Variants in ACSBG2 observed in about 807,000 individuals in gnomAD.
ACSBG2 encodes long-chain-fatty-acid--CoA ligase ACSBG2.
A neutral mutation model predicts 74.7 loss-of-function variants in ACSBG2; 62 were observed. The ratio of observed to expected loss-of-function variants is 0.83; its 90% CI spans 0.68 to 1.03. The LOEUF is 1.03. Ranked by LOEUF, ACSBG2 falls within the 50% of genes least tolerant of loss-of-function variation. The pLI is 0.00. For missense variants in ACSBG2, 730 were observed against 817.6 expected (o/e 0.89, Z 1.31); for synonymous variants, 309 against 294.1 (o/e 1.05, Z -0.52).
At position 6,138,906 on chromosome 19, in the gene ACSBG2, C is replaced by A. The variant is rs529966151; in HGVS notation, c.-31-2607C>A. 3.3e-5 allele frequency among the ~76,000 whole-genome samples: 5 copies of A among 152,090 alleles called. No individual in the cohort carries two copies. The East Asian group carries it at 9.7e-4, about 29-fold the overall frequency. On this transcript the variant is annotated intron_variant, in intron 1 of 14. Transcript: ENST00000588485. ...GCCAGATCCAGCTGCTCCAGAGGGG[C>A]CTTGGGCTTCCTCCTCATTTCTTCT... is the stretch of plus-strand genomic sequence containing the variant.
chr19:6,160,868 G>C (rs2089584615), intron 5 of ACSBG2: 2 of 174,856 alleles, frequency 1.1e-5, no homozygotes, highest in Non-Finnish European at 2.4e-5. Context: ...GGGAGGCCGA[G>C]GCGGGGGGAT....
At chr19:6,160,171 A>G (rs920416454) in intron 5 of ACSBG2, among the ~76,000 whole-genome samples, 1 of 151,994 alleles carries the variant, frequency 6.6e-6, no homozygotes, top group Non-Finnish European at 1.5e-5. Flanking sequence ...TGGGCGGATC[A>G]CGAGGTCAGG....
At chr19:6,185,157 G>A (rs76187731) in intron 10 of ACSBG2, among the ~76,000 whole-genome samples, 12,729 of 152,004 alleles carry the variant, frequency 0.084, 935 homozygotes, top group African/African-American at 0.2. Context: ...GAACTCCTGG[G>A]CTCGAGCAAT....
intron 2 of ACSBG2, among the ~76,000 whole-genome samples, chr19:6,146,448 C>A (rs891141612): frequency 2.1e-5 from 3 of 141,328 alleles, no homozygotes; most frequent in African/African-American, 8.1e-5. Context: ...CCAGCCTGGG[C>A]AAAAGAGTGA....
chr19:6,167,766 A>G (rs1420964452), intron 7 of ACSBG2, among the ~76,000 whole-genome samples: 2 of 152,248 alleles, frequency 1.3e-5, no homozygotes, highest in African/African-American at 2.4e-5. Context: ...ATATTTTGCT[A>G]TAACAACAAG....
At chr19:6,167,967 TCC>T (rs2089856111) in intron 7 of ACSBG2, among the ~76,000 whole-genome samples, 23 of 56,980 alleles carry the variant, frequency 4.0e-4, no homozygotes, top group African/African-American at 1.5e-3. Flanking sequence ...CCCACCCAAC[TCC>T]CACCCTCACC....
intron 14 of ACSBG2, 163 bp downstream of exon 14, chr19:6,190,855 T>A (rs1038345056): frequency 1.8e-5 from 7 of 385,570 alleles, no homozygotes; most frequent in Middle Eastern, 7.3e-4. Context: ...ACACACACTC[T>A]TAGTTGCAGT....
chr19:6,184,141 G>C (rs528607329), intron 10 of ACSBG2, among the ~76,000 whole-genome samples: 3 of 152,222 alleles, frequency 2.0e-5, no homozygotes, highest in African/African-American at 7.2e-5. Flanking sequence ...CCTATGAGCT[G>C]TCTGTCCATA....
chr19:6,176,184 C>CA, intron 7 of ACSBG2: 3 of 762,576 alleles, frequency 3.9e-6, no homozygotes, highest in Non-Finnish European at 5.6e-6. Context: ...GGGCTTTACC[C>CA]AAAAAAATCT....
At chr19:6,188,445 A>G (rs1391936357) in intron 13 of ACSBG2, among the ~76,000 whole-genome samples, 1 of 152,100 alleles carries the variant, frequency 6.6e-6, no homozygotes, top group Non-Finnish European at 1.5e-5. Context: ...GTTTGAGACC[A>G]ACCTGGGCAA....
At chr19:6,152,965 C>G (rs149905834) in intron 4 of ACSBG2, among the ~76,000 whole-genome samples, 2 of 152,128 alleles carry the variant, frequency 1.3e-5, no homozygotes, top group Non-Finnish European at 2.9e-5. Flanking sequence ...AATATCAGGC[C>G]GGGTGTGGTG....
chr19:6,153,347 A>G (rs1253499237), intron 4 of ACSBG2, among the ~76,000 whole-genome samples: 1 of 152,216 alleles, frequency 6.6e-6, no homozygotes, highest in Non-Finnish European at 1.5e-5. Context: ...TGCTCATGGT[A>G]GCCCTTTGAG....
chr19:6,161,553 G>C (rs1431732958), intron 6 of ACSBG2: 1 of 375,442 alleles, frequency 2.7e-6, no homozygotes, highest in Non-Finnish European at 5.0e-6. Context: ...ACCTTACAAG[G>C]GAAGTGGGTG....
At chr19:6,140,413 C>T (rs1599980829) in intron 1 of ACSBG2, among the ~76,000 whole-genome samples, 2 of 152,286 alleles carry the variant, frequency 1.3e-5, no homozygotes, top group African/African-American at 4.8e-5. Flanking sequence ...GGCGCAATGG[C>T]TTACGCCTGT....
At chr19:6,154,434 A>AGAGAGAGAGAG (rs1568226772) in intron 4 of ACSBG2, among the ~76,000 whole-genome samples, 2 of 38,208 alleles carry the variant, frequency 5.2e-5, no homozygotes, top group African/African-American at 7.8e-5. Flanking sequence ...GAGAGAGAGA[A>AGAGAGAGAGAG]AATTATTATT....
Position 6,147,693 on chromosome 19 carries a change from A to C in ACSBG2, c.297+18A>C. 1.2e-6 allele frequency: 2 copies of C among 1,602,382 alleles called. No homozygotes were observed. The highest frequency in any genetic ancestry group is 2.2e-5 in the East Asian group (1 of 44,830). On this transcript the variant is annotated intron_variant, in intron 3 of 14. Coordinates refer to ENST00000588485, the MANE Select transcript of ACSBG2 (RefSeq NM_030924.5). ...TGATCAAGGTAAGATTCATTCATTC[A>C]TTCTCCTTTGTTCAACCATTCATTC...
At chr19:6,158,717 T>C (rs986024593) in intron 5 of ACSBG2, among the ~76,000 whole-genome samples, 1 of 152,200 alleles carries the variant, frequency 6.6e-6, no homozygotes, top group Admixed American at 6.5e-5. Flanking sequence ...TTTTCATTGA[T>C]GGCATTCTCT....
At chr19:6,154,183 G>A (rs994339033) in intron 4 of ACSBG2, among the ~76,000 whole-genome samples, 1 of 151,494 alleles carries the variant, frequency 6.6e-6, no homozygotes, top group African/African-American at 2.4e-5. Context: ...ACCTGAGGTC[G>A]GGAGTTTGAG....
intron 6 of ACSBG2, among the ~76,000 whole-genome samples, chr19:6,164,363 T>C (rs1486275358): frequency 2.0e-5 from 3 of 151,932 alleles, no homozygotes; most frequent in Non-Finnish European, 4.4e-5. Context: ...CTTTGCCTGC[T>C]CAGATGAAGC....
Sources: allele counts gnomAD v4.1 joint callset (sites outside exome capture counted in the v4.1 genomes callset), GRCh38; gene constraint gnomAD v4.1.1; transcripts MANE v1.5; gene names NCBI Gene and HGNC (gene_info 2026-07-23, HGNC 2026-07-21).